CRIM1: variants seen among roughly 807,000 people sequenced by gnomAD.
The protein encoded by CRIM1 is cysteine rich transmembrane BMP regulator 1.
In CRIM1, 32 loss-of-function variants were observed where a neutral mutation model predicts 116.4. That is an observed-to-expected ratio of 0.27 (90% CI 0.21 to 0.37). The LOEUF (loss-of-function observed/expected upper bound fraction) is 0.37. Ranked by LOEUF, CRIM1 falls within the 10% of genes least tolerant of loss-of-function variation. CRIM1 has a pLI of 1.00. For missense variants in CRIM1, 1,331 were observed against 1,354.8 expected (o/e 0.98, Z 0.28); for synonymous variants, 590 against 509.2 (o/e 1.16, Z -2.13).
In CRIM1 at chr2:36,434,396, C is replaced by T. The variant is rs555469654; in HGVS notation, c.506-6862C>T. ...TGACTAAATATACAGATACCAGCAA[C>T]GCCGAGTAGGAAAGTTGAAGCTCTT... On this transcript the variant is annotated intron_variant, in intron 2 of 16. Coordinates refer to ENST00000280527, the MANE Select transcript of CRIM1 (RefSeq NM_016441.3). 5.9e-4 allele frequency among the ~76,000 whole-genome samples: 90 copies of T among 152,324 alleles called. 1 individual carries two copies. Among genetic ancestry groups the T allele is most frequent in the African/African-American group, 1.4e-3 (59 of 41,566 alleles).
rs567109414 is a variant in CRIM1 at position 36,505,210 on chromosome 2, A to G, written c.1502-4773A>G. Among the ~76,000 whole-genome samples the G allele has an allele frequency of 6.6e-5, 10 of 152,322 alleles. No individual in the cohort carries two copies. The South Asian group carries it at 2.1e-3, about 32-fold the overall frequency. On this transcript the variant is annotated intron_variant, in intron 8 of 16. Coordinates refer to ENST00000280527, the MANE Select transcript of CRIM1 (RefSeq NM_016441.3). ...ACTTCATGGCCATCCTGAACTGATA[A>G]TAGGTTTGTAGGAATTGCCAGCATC... is the stretch of plus-strand genomic sequence containing the variant.
chr2:36,415,720 C>T (rs1430841211), intron 2 of CRIM1, among the ~76,000 whole-genome samples: 2 of 152,142 alleles, frequency 1.3e-5, no homozygotes, highest in Non-Finnish European at 2.9e-5. Context: ...TGGAGAAGCC[C>T]ATACCATTTA....
chr2:36,482,923 C>T (rs1679529162), intron 7 of CRIM1, among the ~76,000 whole-genome samples: 1 of 152,262 alleles, frequency 6.6e-6, no homozygotes, highest in African/African-American at 2.4e-5. Context: ...GATAATGTGT[C>T]TTTTGGTTAC....
At chr2:36,507,558 G>C (rs1681518438) in intron 8 of CRIM1, among the ~76,000 whole-genome samples, 1 of 152,154 alleles carries the variant, frequency 6.6e-6, no homozygotes, top group Admixed American at 6.5e-5. Context: ...GAATGTAGAT[G>C]GGCCAGAGCA....
At chr2:36,529,308 G>A (rs1161967282) in intron 13 of CRIM1, 1 of 389,890 alleles carries the variant, frequency 2.6e-6, no homozygotes, top group African/African-American at 2.1e-5. Context: ...TTCTATAGGT[G>A]CAGAAACTGG....
At chr2:36,396,176 T>C (rs1672016359) in intron 1 of CRIM1, among the ~76,000 whole-genome samples, 1 of 152,100 alleles carries the variant, frequency 6.6e-6, no homozygotes, top group Non-Finnish European at 1.5e-5. Context: ...TCTGAAAGTG[T>C]TGGGATTACA....
chr2:36,522,092 A>G lies in CRIM1; in HGVS notation c.2207A>G (p.Asp736Gly). The G allele has an allele frequency of 6.2e-7, 1 of 1,613,896 alleles. No individual in the cohort carries two copies. ...TQDSCCPQCTDQPFRPSLSRN... is the reference protein window; with the variant it reads ...TQDSCCPQCTGQPFRPSLSRN... ...CTGACCTATATGTTCATTTTTCCAG[A>G]TCAACCTTTTCGGCCTTCCTTGTCC... The change falls in exon 13 of 17, where the codon GAT becomes GGT. Residue 736 changes from aspartate (D) to glycine (G), a missense_variant and splice_region_variant. By Grantham distance (94) the Asp-to-Gly change is moderately conservative. This residue lies in a region of CRIM1 where 358 missense variants were observed against 436.1 expected (regional missense o/e 0.82). Coordinates refer to ENST00000280527, the MANE Select transcript of CRIM1 (RefSeq NM_016441.3).
At position 36,406,739 on chromosome 2, in the gene CRIM1, A is replaced by ATG. The variant is rs1002699135; in HGVS notation, c.505+9956_505+9957dup. On this transcript the variant is annotated intron_variant, in intron 2 of 16. Coordinates refer to ENST00000280527, the MANE Select transcript of CRIM1 (RefSeq NM_016441.3). ...ATGCCCTCTTTGCTTCAGGACTTTC[A>ATG]TGTGTACAGATTCCTAAATTTTAAG... Among the ~76,000 whole-genome samples the ATG allele has an allele frequency of 6.3e-4, 95 of 151,302 alleles. 1 individual carries two copies. Among genetic ancestry groups the ATG allele is most frequent in the African/African-American group, 2.2e-3 (90 of 41,120 alleles).
chr2:36,377,148 G>A (rs1362160375), intron 1 of CRIM1, among the ~76,000 whole-genome samples: 1 of 152,202 alleles, frequency 6.6e-6, no homozygotes, highest in African/African-American at 2.4e-5. Flanking sequence ...GAGCTCAGGG[G>A]CGCTGTCCAG....
chr2:36,421,871 C>T (rs1430261764), intron 2 of CRIM1, among the ~76,000 whole-genome samples: 1 of 151,748 alleles, frequency 6.6e-6, no homozygotes, highest in African/African-American at 2.4e-5. Flanking sequence ...TTTTTCAATG[C>T]CTTTGGTAAT....
chr2:36,518,142 G>C (rs1665150289), intron 12 of CRIM1, among the ~76,000 whole-genome samples: 1 of 152,128 alleles, frequency 6.6e-6, no homozygotes, highest in Non-Finnish European at 1.5e-5. Flanking sequence ...GCAGGTAAAT[G>C]TATGGCCATG....
chr2:36,361,971 C>A, intron 1 of CRIM1, among the ~76,000 whole-genome samples: 1 of 152,164 alleles, frequency 6.6e-6, no homozygotes, highest in East Asian at 1.9e-4. Flanking sequence ...TTTCAAAGAT[C>A]TGACTTGCCT....
At chr2:36,534,074 T>G (rs1215625650) in intron 13 of CRIM1, among the ~76,000 whole-genome samples, 663 of 39,702 alleles carry the variant, frequency 0.017, no homozygotes, top group Middle Eastern at 0.083. Flanking sequence ...GGTGAGGGAG[T>G]GGGAAGGAGA....
chr2:36,373,786 G>A (rs1466160249), intron 1 of CRIM1, among the ~76,000 whole-genome samples: 3 of 151,352 alleles, frequency 2.0e-5, no homozygotes, highest in Non-Finnish European at 4.4e-5. Context: ...GTGCATCCAT[G>A]TGTACAACAT....
At chr2:36,542,610 G>A (rs1385472290) in intron 14 of CRIM1, among the ~76,000 whole-genome samples, 8 of 152,202 alleles carry the variant, frequency 5.3e-5, no homozygotes, top group South Asian at 2.1e-4. Flanking sequence ...AATTGGTGTC[G>A]CATTTGCCCT....
At chr2:36,499,829 GA>G (rs1159203423) in intron 8 of CRIM1, among the ~76,000 whole-genome samples, 2 of 151,928 alleles carry the variant, frequency 1.3e-5, no homozygotes, top group Non-Finnish European at 2.9e-5. Flanking sequence ...ATTTCTTCCA[GA>G]AAAAAATAAA....
intron 8 of CRIM1, 42 bp downstream of exon 8, chr2:36,499,389 A>G (rs898406265): frequency 6.3e-6 from 10 of 1,592,206 alleles, no homozygotes; most frequent in Non-Finnish European, 8.6e-6. Flanking sequence ...GAGGCCTAAT[A>G]TGATATTGTC....
intron 1 of CRIM1, among the ~76,000 whole-genome samples, chr2:36,389,587 T>C (rs901915370): frequency 6.6e-6 from 1 of 152,184 alleles, no homozygotes; most frequent in Non-Finnish European, 1.5e-5. Context: ...TTCTGGTAAG[T>C]GGATTGCCAT....
At chr2:36,428,306 C>T (rs903961280) in intron 2 of CRIM1, among the ~76,000 whole-genome samples, 4 of 152,198 alleles carry the variant, frequency 2.6e-5, no homozygotes, top group South Asian at 2.1e-4. Flanking sequence ...CTCATATCTA[C>T]GAATTTCTGA....
Sources: allele counts gnomAD v4.1 joint callset (sites outside exome capture counted in the v4.1 genomes callset), GRCh38; gene constraint gnomAD v4.1.1; regional missense constraint gnomAD v4.1.1; transcripts MANE v1.5; gene names NCBI Gene and HGNC (gene_info 2026-07-23, HGNC 2026-07-21).